The following MOV10 variants were observed in gnomAD, a reference collection of about 807,000 sequenced individuals.
MOV10 encodes the protein RNA helicase MOV-10.
MOV10 carries 39 observed loss-of-function variants against 108.4 expected under a neutral mutation model. The observed-to-expected ratio is 0.36, with a 90% CI of 0.28 to 0.47. The LOEUF (loss-of-function observed/expected upper bound fraction) is 0.47, where lower values mean the gene tolerates loss of function less well. Among genes scored for constraint, MOV10 ranks in the 20% least tolerant of loss-of-function variants. The pLI is 1.00. For synonymous variants in MOV10, 490 were observed against 523.1 expected, an observed-to-expected ratio of 0.94 and a Z score of 0.86; for missense variants, 952 against 1,297.6, an observed-to-expected ratio of 0.73 and a Z score of 4.09.
intron 11 of MOV10, 35 bp from the exon 12 acceptor site, chr1:112,696,113 C>A (rs1208106219): frequency 8.3e-6 from 12 of 1,447,304 alleles, no homozygotes; most frequent in Non-Finnish European, 1.2e-5. Flanking sequence ...TGAGTGGAGC[C>A]AAGCTGATTC....
chr1:112,693,042 C>A, intron 7 of MOV10, 113 bp downstream of exon 7: 1 of 1,023,920 alleles, frequency 9.8e-7, no homozygotes, highest in Non-Finnish European at 1.4e-6. Flanking sequence ...TGAAGTGGTT[C>A]CCAGGGCTCC....
rs1672161218 is a variant in MOV10 at position 112,675,838 on chromosome 1, T to A, written c.137+789T>A. Reference sequence around the variant, plus strand: ...CTTGCGTGGAAAACCAAGAAGCAGTTTAACAAGGGTAAACGTAAAGACTTG... The same window carrying A: ...CTTGCGTGGAAAACCAAGAAGCAGTATAACAAGGGTAAACGTAAAGACTTG... On this transcript the variant is annotated intron_variant, in intron 2 of 20. Transcript: ENST00000369645. The surrounding 1 kb of genome is among the most constrained non-coding windows in gnomAD (Gnocchi z 4.7). Among the ~76,000 whole-genome samples, 1 of 152,216 alleles carries A rather than the reference T, an allele frequency of 6.6e-6. No individual in the cohort carries two copies. The highest frequency in any genetic ancestry group is 1.5e-5 in the Non-Finnish European group (1 of 68,036).
At chr1:112,674,538 G>A (rs1672023734), upstream of MOV10, 1 of 163,282 alleles carries the variant, frequency 6.1e-6, no homozygotes, top group Non-Finnish European at 1.3e-5. Context: ...GGTAGCCCTG[G>A]CTGAGGCTCG....
In MOV10 at chr1:112,692,942, AT is replaced by A; in HGVS notation, c.1140+15del. 6.2e-7 allele frequency: 1 copy of A among 1,600,306 alleles called. No homozygotes were observed. Among genetic ancestry groups the A allele is most frequent in the Non-Finnish European group, 8.5e-7 (1 of 1,173,980 alleles). Reference sequence around the variant, plus strand: ...GCTCACGCTGGAGGTCAGGGCTCAGATTGAGTGTGAGGAGGGTGGGCTCAAG... The same window carrying A: ...GCTCACGCTGGAGGTCAGGGCTCAGATGAGTGTGAGGAGGGTGGGCTCAAG... On this transcript the variant is annotated intron_variant, in intron 7 of 20. Transcript: ENST00000369645.
At position 112,675,053 on chromosome 1, in the gene MOV10, C is replaced by G; in HGVS notation, c.137+4C>G. 1 of 1,590,370 alleles carries G rather than the reference C, an allele frequency of 6.3e-7. No homozygotes were observed. Among genetic ancestry groups the G allele is most frequent in the Non-Finnish European group, 8.6e-7 (1 of 1,169,584 alleles). Reference sequence around the variant, plus strand: ...ATAACCGCGACTTCAAGATCAGGTACGGGCCGGCCCACTCCCGGCCCCGAA... The same window carrying G: ...ATAACCGCGACTTCAAGATCAGGTAGGGGCCGGCCCACTCCCGGCCCCGAA... On this transcript the variant is annotated splice_donor_region_variant and intron_variant, in intron 2 of 20. Transcript: ENST00000369645. This position sits in a 1 kb window ranked among gnomAD's most constrained non-coding sequence, Gnocchi z 4.7.
chr1:112,696,939 G>A, intron 14 of MOV10, 93 bp downstream of exon 14: 3 of 1,070,628 alleles, frequency 2.8e-6, no homozygotes, highest in Non-Finnish European at 4.1e-6. Flanking sequence ...TGTCAGTCCT[G>A]TTGCTCAGAG....
In MOV10 at chr1:112,675,127, C is replaced by A. The variant is rs1672080916; in HGVS notation, c.137+78C>A. 6.5e-7 allele frequency: 1 copy of A among 1,536,430 alleles called. No homozygotes were observed. Among genetic ancestry groups the A allele is most frequent in the Non-Finnish European group, 8.8e-7 (1 of 1,139,894 alleles). ...GACCCCCGCGCGAGGGCCACCTTTCCCGCCCCGGGGCGCAGAGGGACGCAG... is the reference window on the plus strand; with the variant it reads ...GACCCCCGCGCGAGGGCCACCTTTCACGCCCCGGGGCGCAGAGGGACGCAG... On this transcript the variant is annotated intron_variant, in intron 2 of 20. Coordinates refer to ENST00000369645, the MANE Select transcript of MOV10 (RefSeq NM_001321324.2). This position sits in a 1 kb window ranked among gnomAD's most constrained non-coding sequence, Gnocchi z 4.7.
chr1:112,686,849 T>G (rs890743089), intron 2 of MOV10: 2 of 445,236 alleles, frequency 4.5e-6, no homozygotes, highest in East Asian at 7.0e-5. Flanking sequence ...ATTCTAAGTA[T>G]TAGCGAATCT....
In MOV10 at chr1:112,700,665, A is replaced by G; in HGVS notation, c.*158A>G. ...ACCCCCTCCCCTGCTGGGGAGAATG[A>G]CACATCAAGCTGCTAACAATTGGGG... On this transcript the variant is annotated 3_prime_UTR_variant, in exon 21 of 21. Transcript: ENST00000369645. The G allele has an allele frequency of 2.6e-6, 4 of 1,535,130 alleles. No individual in the cohort carries two copies. The highest frequency in any genetic ancestry group is 3.5e-6 in the Non-Finnish European group (4 of 1,144,884).
At chr1:112,691,933 C>A in intron 6 of MOV10, 134 bp downstream of exon 6, 1 of 935,208 alleles carries the variant, frequency 1.1e-6, no homozygotes, top group Non-Finnish European at 1.6e-6. Context: ...CACCATACAC[C>A]AAGCACCATT....
At position 112,689,969 on chromosome 1, in the gene MOV10, GCTT is replaced by G; in HGVS notation, c.711_713del (p.Phe237del). On this transcript the variant is annotated inframe_deletion, in exon 5 of 21. Coordinates refer to ENST00000369645, the MANE Select transcript of MOV10 (RefSeq NM_001321324.2). ...GGAGCCGGCACATTCTACATTGCCC[GCTT>G]CTTGGCTGCCGTCGCCCACAGCCCC... 1.2e-6 allele frequency: 2 copies of G among 1,614,156 alleles called. No individual in the cohort carries two copies. Among genetic ancestry groups the G allele is most frequent in the Non-Finnish European group, 1.7e-6 (2 of 1,180,044 alleles).
chr1:112,677,163 C>T (rs530387222), intron 2 of MOV10, among the ~76,000 whole-genome samples: 19 of 152,202 alleles, frequency 1.2e-4, no homozygotes, highest in Non-Finnish European at 2.2e-4. Context: ...GTGGAAAGGC[C>T]TTCTATGTGG....
In MOV10 at chr1:112,699,916, G is replaced by A; in HGVS notation, c.2732G>A (p.Arg911Gln). The A allele has an allele frequency of 3.1e-6, 5 of 1,614,094 alleles. No homozygotes were observed. Among genetic ancestry groups the A allele is most frequent in the Non-Finnish European group, 4.2e-6 (5 of 1,180,016 alleles). ...NPKRFNVAVT[R>Q]AKALLIIVGN... Reference sequence around the variant, plus strand: ...CAGAGGTTCAATGTAGCTGTGACCCGGGCCAAGGCCCTGCTCATCATCGTG... The same window carrying A: ...CAGAGGTTCAATGTAGCTGTGACCCAGGCCAAGGCCCTGCTCATCATCGTG... Residue 911 changes from arginine to glutamine, a missense_variant, in exon 19 of 21, where the codon CGG becomes CAG. This residue lies in a region of MOV10 where 65 missense variants were observed against 124.3 expected (regional missense o/e 0.52). Transcript: ENST00000369645.
chr1:112,687,790 C>T (rs575238270), intron 2 of MOV10, among the ~76,000 whole-genome samples: 142 of 152,264 alleles, frequency 9.3e-4, no homozygotes, highest in Non-Finnish European at 1.6e-3. Context: ...CTCACAGCAA[C>T]CCTACGAGGT....
chr1:112,695,350 GC>G (rs1673973314), intron 10 of MOV10, 65 bp from the exon 11 acceptor site: 1 of 1,548,772 alleles, frequency 6.5e-7, no homozygotes, highest in Admixed American at 1.7e-5. Flanking sequence ...GACTTGCCCT[GC>G]CCCAGCCTGG....
chr1:112,693,817 C>T (rs750581299), intron 7 of MOV10: 15 of 517,104 alleles, frequency 2.9e-5, no homozygotes, highest in Non-Finnish European at 5.2e-5. Flanking sequence ...TGGGCAGCTT[C>T]GGAGGATTTG....
intron 2 of MOV10, among the ~76,000 whole-genome samples, chr1:112,680,181 T>G (rs975726797): frequency 6.6e-6 from 1 of 152,124 alleles, no homozygotes; most frequent in Non-Finnish European, 1.5e-5. Flanking sequence ...AGACGCCTGC[T>G]GCAGAATAGT....
chr1:112,683,428 C>T (rs556587230), intron 2 of MOV10, among the ~76,000 whole-genome samples: 3 of 152,080 alleles, frequency 2.0e-5, no homozygotes, highest in Non-Finnish European at 4.4e-5. Flanking sequence ...TTTTTTGAGA[C>T]AAAATCTCAT....
Position 112,695,594 on chromosome 1 carries a change from G to A in MOV10, c.1779+20G>A, listed in dbSNP as rs1484247978. The A allele has an allele frequency of 5.6e-6, 9 of 1,609,604 alleles. No individual in the cohort carries two copies. The Admixed American group carries it at 1.5e-4, about 27-fold the overall frequency. On this transcript the variant is annotated intron_variant, in intron 11 of 20. Transcript: ENST00000369645. ...ATCAAGGTACTAGGGAAGTGCAGAG[G>A]GCCAAAGAATGGCAAATGCCGGGGA...
Sources: gnomAD v4.1 joint callset for allele counts (sites outside exome capture counted in the v4.1 genomes callset) on GRCh38, gnomAD v4.1.1 for gene constraint, gnomAD v4.1.1 regional missense constraint, Gnocchi (gnomAD v3.1) non-coding constraint, MANE v1.5 for transcripts, NCBI Gene and HGNC (gene_info 2026-07-23, HGNC 2026-07-21) for gene names.